Variants in GNAL observed in about 807,000 individuals in gnomAD.
The protein encoded by GNAL is guanine nucleotide-binding protein G(olf) subunit alpha.
GNAL carries 18 observed loss-of-function variants against 55.1 expected under a neutral mutation model. The observed-to-expected ratio is 0.33, with a 90% CI of 0.23 to 0.48. GNAL has a LOEUF of 0.48. GNAL is among the 20% of genes least tolerant of loss of function. The probability of loss-of-function intolerance (pLI) is 0.99; values close to 1 mark genes in which losing one functional copy is unlikely to be tolerated. For synonymous variants in GNAL, 253 were observed against 237.0 expected, an observed-to-expected ratio of 1.07 and a Z score of -0.62; for missense variants, 412 against 614.1, an observed-to-expected ratio of 0.67 and a Z score of 3.48.
chr18:11,736,213 A>C (rs1464555807), intron 1 of GNAL, among the ~76,000 whole-genome samples: 7 of 152,294 alleles, frequency 4.6e-5, no homozygotes, highest in Non-Finnish European at 1.5e-5. Flanking sequence ...TGAGCAACAT[A>C]GTGAGACTTC....
chr18:11,804,191 T>C (rs1377815426), intron 4 of GNAL, among the ~76,000 whole-genome samples: 15 of 114,622 alleles, frequency 1.3e-4, no homozygotes, highest in African/African-American at 4.8e-4. Context: ...GAAGTACAGG[T>C]GCGGTTTGGA....
At position 11,884,749 on chromosome 18, in the gene GNAL, C is replaced by A; in HGVS notation, c.*3614C>A. The A allele has an allele frequency of 1.5e-6, 2 of 1,317,714 alleles. No individual in the cohort carries two copies. Among genetic ancestry groups the A allele is most frequent in the Non-Finnish European group, 2.1e-6 (2 of 973,692 alleles). 81.6% of individuals were successfully genotyped at this position (1,317,714 alleles called of 1,614,324 possible). On this transcript the variant is annotated 3_prime_UTR_variant, in exon 12 of 12. Coordinates refer to ENST00000334049, the MANE Select transcript of GNAL (RefSeq NM_182978.4). ...CCCCTCAGGTGAGGCAGGGAACGGG[C>A]CCTCCTCACCTGAGACCAAGGGGGC...
intron 4 of GNAL, among the ~76,000 whole-genome samples, chr18:11,808,258 G>A (rs111662342): frequency 3.9e-5 from 6 of 152,192 alleles, no homozygotes; most frequent in South Asian, 2.1e-4. Flanking sequence ...GCCTCTGCCC[G>A]TTTTACTGCT....
chr18:11,693,651 CATTT>C (rs1008736638), intron 1 of GNAL, among the ~76,000 whole-genome samples: 16 of 151,302 alleles, frequency 1.1e-4, no homozygotes, highest in African/African-American at 3.6e-4. Flanking sequence ...TGACCACATT[CATTT>C]GTTTATTCTG....
chr18:11,764,346 A>T (rs1289293923), intron 4 of GNAL, among the ~76,000 whole-genome samples: 1 of 152,062 alleles, frequency 6.6e-6, no homozygotes, highest in African/African-American at 2.4e-5. Context: ...ACCTTAAGTA[A>T]TCCGCCCACC....
intron 1 of GNAL, among the ~76,000 whole-genome samples, chr18:11,716,152 A>G (rs1018682186): frequency 1.3e-5 from 2 of 152,240 alleles, no homozygotes; most frequent in African/African-American, 2.4e-5. Flanking sequence ...ATTACTGGGT[A>G]TATACCCAAA....
intron 1 of GNAL, among the ~76,000 whole-genome samples, chr18:11,712,863 C>CG (rs1226021177): frequency 6.6e-6 from 1 of 152,162 alleles, no homozygotes; most frequent in African/African-American, 2.4e-5. Flanking sequence ...CTGTGTCATT[C>CG]ACTAGCCTAT....
intron 4 of GNAL, among the ~76,000 whole-genome samples, chr18:11,820,706 C>T (rs562009814): frequency 1.3e-5 from 2 of 152,244 alleles, no homozygotes; most frequent in East Asian, 3.9e-4. Flanking sequence ...AACAGCAGCC[C>T]TGGAATTCAC....
intron 4 of GNAL, among the ~76,000 whole-genome samples, chr18:11,797,101 G>T (rs2034410588): frequency 6.6e-6 from 1 of 152,070 alleles, no homozygotes; most frequent in Non-Finnish European, 1.5e-5. Context: ...GGCTAATTTT[G>T]TAATTTTTTT....
chr18:11,880,901 C>A, intron 11 of GNAL, 88 bp from the exon 12 acceptor site: 1 of 1,374,912 alleles, frequency 7.3e-7, no homozygotes, highest in Non-Finnish European at 1.0e-6. Context: ...GTCACCAAAG[C>A]CTCCAGCACC....
In GNAL at chr18:11,709,043, C is replaced by T. The variant is rs116497081; in HGVS notation, c.376+19104C>T. Among the ~76,000 whole-genome samples the T allele has an allele frequency of 5.1e-3, 774 of 152,302 alleles. 5 individuals are homozygous for T. Among genetic ancestry groups the T allele is most frequent in the African/African-American group, 0.018 (737 of 41,582 alleles). On this transcript the variant is annotated intron_variant, in intron 1 of 11. Coordinates refer to ENST00000334049, the MANE Select transcript of GNAL (RefSeq NM_182978.4). ...ATCTGCATATACAATTTTCCCAACA[C>T]CATTTGTTGCAGAAACTATCCTTTC...
Position 11,881,455 on chromosome 18 carries a change from G to A in GNAL, c.*320G>A, listed in dbSNP as rs1457272226. 4.2e-5 allele frequency: 10 copies of A among 237,846 alleles called. No homozygotes were observed. Among genetic ancestry groups the A allele is most frequent in the Non-Finnish European group, 1.7e-5 (2 of 120,932 alleles). The allele number at this position is 237,846 out of a possible 1,614,324, so 14.7% of individuals were successfully genotyped here. ...CATCGAGGAGAACTTGGTAGATGGG[G>A]AGAAAACACAGTTGGTTTTTTTTTC... On this transcript the variant is annotated 3_prime_UTR_variant, in exon 12 of 12. Coordinates refer to ENST00000334049, the MANE Select transcript of GNAL (RefSeq NM_182978.4). The surrounding 1 kb of genome is among the most constrained non-coding windows in gnomAD (Gnocchi z 4.8).
At chr18:11,715,351 C>G (rs372557688) in intron 1 of GNAL, among the ~76,000 whole-genome samples, 1 of 150,610 alleles carries the variant, frequency 6.6e-6, no homozygotes. Flanking sequence ...GTCCCAGCTA[C>G]TCGGGAGGCT....
intron 1 of GNAL, among the ~76,000 whole-genome samples, chr18:11,718,615 C>T (rs1177896789): frequency 6.6e-6 from 1 of 152,156 alleles, no homozygotes; most frequent in Non-Finnish European, 1.5e-5. Flanking sequence ...TTTTCCCCTG[C>T]TCTATCTACT....
intron 4 of GNAL, among the ~76,000 whole-genome samples, chr18:11,763,447 T>C (rs2033308635): frequency 6.6e-6 from 1 of 152,158 alleles, no homozygotes; most frequent in Non-Finnish European, 1.5e-5. Flanking sequence ...AGTCTCGCTC[T>C]GTCTCCCAGG....
chr18:11,851,781 G>A (rs1390403345), intron 5 of GNAL: 3 of 1,613,916 alleles, frequency 1.9e-6, no homozygotes, highest in Non-Finnish European at 2.5e-6. Context: ...AGGTGACCAA[G>A]TCGATGGCTG....
At chr18:11,744,793 C>A (rs779804325) in intron 1 of GNAL, among the ~76,000 whole-genome samples, 1 of 152,236 alleles carries the variant, frequency 6.6e-6, no homozygotes, top group Non-Finnish European at 1.5e-5. Flanking sequence ...TCACTGCAGC[C>A]TCGACCTCCT....
intron 1 of GNAL, among the ~76,000 whole-genome samples, chr18:11,721,291 A>T (rs1168874645): frequency 6.6e-6 from 1 of 152,222 alleles, no homozygotes; most frequent in African/African-American, 2.4e-5. Context: ...GATTAGTAAG[A>T]TAAATAACAA....
At chr18:11,732,632 A>G (rs1416062739) in intron 1 of GNAL, among the ~76,000 whole-genome samples, 2 of 152,116 alleles carry the variant, frequency 1.3e-5, no homozygotes, top group African/African-American at 4.8e-5. Flanking sequence ...CGATTTTATC[A>G]TTTCAATTGT....
Sources: gnomAD v4.1 joint callset for allele counts (sites outside exome capture counted in the v4.1 genomes callset) on GRCh38, gnomAD v4.1.1 for gene constraint, Gnocchi (gnomAD v3.1) non-coding constraint, MANE v1.5 for transcripts, NCBI Gene and HGNC (gene_info 2026-07-23, HGNC 2026-07-21) for gene names.